Variants in THRAP3 observed in about 807,000 individuals in gnomAD.
The protein encoded by THRAP3 is thyroid hormone receptor-associated protein 3.
A neutral mutation model predicts 101.0 loss-of-function variants in THRAP3; 16 were observed. The ratio of observed to expected loss-of-function variants is 0.16; its 90% confidence interval spans 0.11 to 0.24. The LOEUF is 0.24. Among genes scored for constraint, THRAP3 ranks in the 10% least tolerant of loss-of-function variants. THRAP3 has a pLI of 1.00. For synonymous variants in THRAP3, 407 were observed against 422.6 expected (o/e 0.96, Z 0.45); for missense variants, 989 against 1,202.7 (o/e 0.82, Z 2.63).
intron 5 of THRAP3, 83 bp from the exon 6 acceptor site, chr1:36,291,291 C>A: frequency 1.4e-6 from 2 of 1,402,104 alleles, no homozygotes; most frequent in South Asian, 2.8e-5. Context: ...AGATTTAAAA[C>A]TCTTCAAAAA....
intron 8 of THRAP3, among the ~76,000 whole-genome samples, chr1:36,294,858 C>A (rs1645924839): frequency 6.6e-6 from 1 of 152,138 alleles, no homozygotes; most frequent in South Asian, 2.1e-4. Flanking sequence ...TTGCATTTGT[C>A]TTTTTGTCTT....
intron 8 of THRAP3, among the ~76,000 whole-genome samples, chr1:36,294,822 T>C (rs887209818): frequency 5.3e-5 from 8 of 152,182 alleles, no homozygotes; most frequent in Non-Finnish European, 8.8e-5. Flanking sequence ...GCCAACTCAT[T>C]GGAGGTGTTA....
In THRAP3 at chr1:36,296,781, CCCT is replaced by C. The variant is rs1229140897; in HGVS notation, c.2303+12_2303+14del. ...ATCAAAGAAACAGAAGTACGTAAGC[CCCT>C]GTTACCCCTTCCAGACTCTTAAGTT... On this transcript the variant is annotated intron_variant, in intron 9 of 11. Coordinates refer to ENST00000354618, the MANE Select transcript of THRAP3 (RefSeq NM_005119.4). 6.4e-7 allele frequency: 1 copy of C among 1,566,244 alleles called. No individual in the cohort carries two copies. The highest frequency in any genetic ancestry group is 8.6e-7 in the Non-Finnish European group (1 of 1,162,734).
intron 7 of THRAP3, among the ~76,000 whole-genome samples, chr1:36,293,640 CTGTGTGTGTG>C (rs577292328): frequency 3.4e-4 from 45 of 133,420 alleles, no homozygotes; most frequent in African/African-American, 1.0e-3. Context: ...GAACCTGGGA[CTGTGTGTGTG>C]TGTGTGTGTG....
intron 9 of THRAP3, among the ~76,000 whole-genome samples, chr1:36,299,219 G>GCT (rs1553126121): frequency 6.6e-6 from 1 of 151,964 alleles, no homozygotes; most frequent in Non-Finnish European, 1.5e-5. Flanking sequence ...GGTGGGTGGA[G>GCT]CATGAGGTCA....
intron 1 of THRAP3, among the ~76,000 whole-genome samples, chr1:36,244,874 C>T (rs777875679): frequency 7.9e-5 from 12 of 152,070 alleles, no homozygotes; most frequent in South Asian, 4.1e-4. Context: ...CACGCCACCA[C>T]GCCCAGCTAA....
At chr1:36,235,306 ATTGT>A (rs1645072785) in intron 1 of THRAP3, among the ~76,000 whole-genome samples, 1 of 152,166 alleles carries the variant, frequency 6.6e-6, no homozygotes, top group Admixed American at 6.6e-5. Flanking sequence ...AAGAAGATAG[ATTGT>A]TTGGTAACTA....
intron 1 of THRAP3, among the ~76,000 whole-genome samples, chr1:36,228,952 A>G (rs1411094073): frequency 6.6e-6 from 1 of 152,004 alleles, no homozygotes. Context: ...GTGAGCTATG[A>G]TTGCGGCACT....
chr1:36,252,957 T>TATATAA (rs1645325516), intron 1 of THRAP3, among the ~76,000 whole-genome samples: 1 of 138,364 alleles, frequency 7.2e-6, no homozygotes, highest in Admixed American at 7.2e-5. Flanking sequence ...TATATATATA[T>TATATAA]ATATATATAT....
chr1:36,239,346 G>A lies in THRAP3; in HGVS notation c.-135+14841G>A, dbSNP rs868580060. Among the ~76,000 whole-genome samples the A allele has an allele frequency of 9.1e-5, 13 of 142,558 alleles. No individual in the cohort carries two copies. The South Asian group carries it at 1.9e-3, about 21-fold the overall frequency. 93.5% of individuals were successfully genotyped at this position (142,558 alleles called of 152,430 possible). Reference sequence around the variant, plus strand: ...TCGATGTCAGCTTACTACAACCTCCGCCGCCCCTGCACCGGCTTTCAGCGA... The same window carrying A: ...TCGATGTCAGCTTACTACAACCTCCACCGCCCCTGCACCGGCTTTCAGCGA... On this transcript the variant is annotated intron_variant, in intron 1 of 11. Transcript: ENST00000354618.
intron 1 of THRAP3, among the ~76,000 whole-genome samples, chr1:36,250,044 C>T (rs761382245): frequency 1.3e-4 from 20 of 151,976 alleles, no homozygotes; most frequent in African/African-American, 2.4e-4. Context: ...CCTGGTGTAA[C>T]GCCTTGGGTT....
At chr1:36,209,394 G>C in the THRAP3 span, among the ~76,000 whole-genome samples, 3 of 152,156 alleles carry the variant, frequency 2.0e-5, no homozygotes, top group Non-Finnish European at 4.4e-5. Context: ...TTCGTTGTGA[G>C]GGATTTGTCT....
rs571097305 is a variant in THRAP3 at position 36,249,163 on chromosome 1, G to A, written c.-134-10219G>A. ...CCTCCCAAAGTGCTGGGATACAGGTGCAAGCCACCGCACCCAGCCAGCACA... is the reference window on the plus strand; with the variant it reads ...CCTCCCAAAGTGCTGGGATACAGGTACAAGCCACCGCACCCAGCCAGCACA... On this transcript the variant is annotated intron_variant, in intron 1 of 11. Coordinates refer to ENST00000354618, the MANE Select transcript of THRAP3 (RefSeq NM_005119.4). Among the ~76,000 whole-genome samples the A allele has an allele frequency of 1.5e-3, 216 of 147,616 alleles. 2 individuals are homozygous for A. The highest frequency in any genetic ancestry group is 4.9e-3 in the African/African-American group (197 of 39,880).
chr1:36,301,489 A>G, intron 10 of THRAP3, 64 bp from the exon 11 acceptor site: 1 of 1,571,538 alleles, frequency 6.4e-7, no homozygotes, highest in South Asian at 1.2e-5. Flanking sequence ...AACAAAAAGC[A>G]GGGGGGTTTG....
intron 9 of THRAP3, among the ~76,000 whole-genome samples, chr1:36,298,939 T>C (rs1645994967): frequency 6.6e-6 from 1 of 152,076 alleles, no homozygotes; most frequent in African/African-American, 2.4e-5. Flanking sequence ...GGACTACAGG[T>C]GTACACCATC....
At chr1:36,243,090 G>T (rs909125034) in intron 1 of THRAP3, among the ~76,000 whole-genome samples, 1 of 149,854 alleles carries the variant, frequency 6.7e-6, no homozygotes, top group Non-Finnish European at 1.5e-5. Context: ...GCTGATTGTG[G>T]CAAGCTGCTA....
At chr1:36,232,898 A>G (rs1366774329) in intron 1 of THRAP3, among the ~76,000 whole-genome samples, 1 of 129,886 alleles carries the variant, frequency 7.7e-6, no homozygotes, top group African/African-American at 2.8e-5. Context: ...TTTTTTTGAG[A>G]CAGTCTCACT....
chr1:36,274,074 TG>T (rs1645624308), intron 2 of THRAP3, among the ~76,000 whole-genome samples: 2 of 126,048 alleles, frequency 1.6e-5, no homozygotes, highest in African/African-American at 6.4e-5. Context: ...TGTGTGTGTG[TG>T]TCACACACAC....
intron 6 of THRAP3, among the ~76,000 whole-genome samples, chr1:36,292,059 T>G (rs1467612517): frequency 6.6e-6 from 1 of 151,958 alleles, no homozygotes; most frequent in Non-Finnish European, 1.5e-5. Context: ...AGCTTCAAGT[T>G]TCTCTGTCCT....
Sources: allele counts gnomAD v4.1 joint callset (sites outside exome capture counted in the v4.1 genomes callset), GRCh38; gene constraint gnomAD v4.1.1; transcripts MANE v1.5; gene names NCBI Gene and HGNC (gene_info 2026-07-23, HGNC 2026-07-21).